The following KIAA0586 variants were observed in gnomAD, a reference collection of about 807,000 sequenced individuals.
KIAA0586 encodes protein TALPID3.
A neutral mutation model predicts 169.8 loss-of-function variants in KIAA0586; 144 were observed. The ratio of observed to expected loss-of-function variants is 0.85; its 90% CI spans 0.74 to 0.97. The LOEUF is 0.97. KIAA0586 is among the 50% of genes least tolerant of loss of function. The probability of loss-of-function intolerance (pLI) is 0.00; values close to 1 mark genes in which losing one functional copy is unlikely to be tolerated. For synonymous variants in KIAA0586, 625 were observed against 612.4 expected (o/e 1.02, Z -0.30); for missense variants, 1,854 against 1,823.0 (o/e 1.02, Z -0.31).
intron 16 of KIAA0586, among the ~76,000 whole-genome samples, chr14:58,470,357 A>G (rs112594249): frequency 1.3e-5 from 2 of 152,238 alleles, no homozygotes; most frequent in African/African-American, 4.8e-5. Flanking sequence ...TAAAAGACAA[A>G]GGGAATAGTG....
chr14:58,484,903 TATATATATATATATATATATA>T (rs2042305238), intron 21 of KIAA0586, among the ~76,000 whole-genome samples: 1 of 13,500 alleles, frequency 7.4e-5, no homozygotes, highest in African/African-American at 2.3e-4. Flanking sequence ...TATATATATA[TATATATATATATATATATATA>T]TTTTTTTTTT....
chr14:58,492,210 A>G lies in KIAA0586; in HGVS notation c.3925A>G (p.Ile1309Val), dbSNP rs376234883. 3 of 1,550,778 alleles carry G rather than the reference A, an allele frequency of 1.9e-6. No individual in the cohort carries two copies. The highest frequency in any genetic ancestry group is 2.6e-6 in the Non-Finnish European group (3 of 1,146,456). ...CCATAAAAAATTTCATGCAGATGCA[A>G]TTCTTTCTTTTGCTAAACAAAACCA... ...MSHKKFHADA[I>V]LSFAKQNQES... Residue 1309 changes from isoleucine (I) to valine (V), a missense_variant, in exon 26 of 31, where the codon ATT becomes GTT. Ile to Val is a conservative substitution (Grantham distance 29, BLOSUM62 3). Coordinates refer to ENST00000652326, the MANE Select transcript of KIAA0586 (RefSeq NM_001329943.3).
In KIAA0586 at chr14:58,450,726, T is replaced by C. The variant is rs369845308; in HGVS notation, c.1109T>C (p.Met370Thr). The C allele has an allele frequency of 6.9e-6, 11 of 1,604,586 alleles. No individual in the cohort carries two copies. Among genetic ancestry groups the C allele is most frequent in the African/African-American group, 1.3e-5 (1 of 74,830 alleles). Residue 370 changes from methionine to threonine, a missense_variant, in exon 8 of 31, where the codon ATG becomes ACG. By Grantham distance (81) the Met-to-Thr change is moderately conservative. Coordinates refer to ENST00000652326, the MANE Select transcript of KIAA0586 (RefSeq NM_001329943.3). ...RENLLEEKEN[M>T]EVSCHRGNVR... ...AATCTTTTGGAAGAAAAAGAAAATA[T>C]GGAAGTGTCGTGTCACAGAGGTAAT...
At chr14:58,528,538 G>A (rs1358188482) in intron 29 of KIAA0586, among the ~76,000 whole-genome samples, 1 of 152,148 alleles carries the variant, frequency 6.6e-6, no homozygotes, top group African/African-American at 2.4e-5. Context: ...CTAGAACTCA[G>A]GATTAACAAA....
rs1325833404 is a variant in KIAA0586, at chr14:58,498,818, A to G, written c.4026A>G (p.Gly1342=). 1.9e-6 allele frequency: 3 copies of G among 1,610,880 alleles called. No individual in the cohort carries two copies. ...LENSVGELSE[G]QRPQLTAAAE... Reference sequence around the variant, plus strand: ...ACAGTGTGGGTGAACTTAGTGAAGGACAAAGACCCCAGCTAACAGCGGCAG... The same window carrying G: ...ACAGTGTGGGTGAACTTAGTGAAGGGCAAAGACCCCAGCTAACAGCGGCAG... Residue 1342 remains glycine, a synonymous_variant, in exon 27 of 31, where the codon GGA becomes GGG. Coordinates refer to ENST00000652326, the MANE Select transcript of KIAA0586 (RefSeq NM_001329943.3).
Position 58,490,204 on chromosome 14 carries a change from T to G in KIAA0586, c.3822T>G (p.Asp1274Glu). 6.5e-7 allele frequency: 1 copy of G among 1,544,654 alleles called. No individual in the cohort carries two copies. The highest frequency in any genetic ancestry group is 8.8e-7 in the Non-Finnish European group (1 of 1,138,900). The change falls in exon 25 of 31, where the codon GAT (aspartate) becomes GAG (glutamate). Residue 1274 changes from aspartate (D) to glutamate (E), a missense_variant. Transcript: ENST00000652326. ...DIGLYLTNLN[D>E]SLSSTLHDAV... ...GACTGTACCTGACAAACCTTAATGA[T>G]AGCTTATCCAGCACTCTGCATGATG...
intron 29 of KIAA0586, among the ~76,000 whole-genome samples, chr14:58,520,650 G>A (rs2045143111): frequency 6.6e-6 from 1 of 151,940 alleles, no homozygotes; most frequent in South Asian, 2.1e-4. Flanking sequence ...AGCCTCCTGA[G>A]TAGCTGGGAT....
chr14:58,487,767 T>C, intron 22 of KIAA0586, 120 bp from the exon 23 acceptor site: 1 of 624,496 alleles, frequency 1.6e-6, no homozygotes, highest in Non-Finnish European at 2.8e-6. Context: ...TTATTAATTA[T>C]AATTGCCATT....
At position 58,524,758 on chromosome 14, in the gene KIAA0586, T is replaced by C. The variant is rs77326058; in HGVS notation, c.4429+12131T>C. ...TACACTTTTACTAGAACCTGACATA[T>C]ATTAAGAGCTATTAAAGTGTTAGCT... On this transcript the variant is annotated intron_variant, in intron 29 of 30. Coordinates refer to ENST00000652326, the MANE Select transcript of KIAA0586 (RefSeq NM_001329943.3). Among the ~76,000 whole-genome samples the C allele has an allele frequency of 6.5e-3, 985 of 152,324 alleles. 8 individuals are homozygous for C. Among genetic ancestry groups the C allele is most frequent in the African/African-American group, 0.023 (949 of 41,582 alleles).
chr14:58,462,677 A>G (rs889036204), intron 14 of KIAA0586, among the ~76,000 whole-genome samples: 1 of 152,236 alleles, frequency 6.6e-6, no homozygotes, highest in Non-Finnish European at 1.5e-5. Context: ...AATGATCAGA[A>G]GTGATTAAGA....
intron 4 of KIAA0586, chr14:58,441,070 A>G (rs1465545087): frequency 9.5e-6 from 2 of 211,560 alleles, no homozygotes; most frequent in African/African-American, 2.3e-5. Flanking sequence ...TTTACAATGT[A>G]TACATATATC....
At position 58,457,770 on chromosome 14, in the gene KIAA0586, T is replaced by C. The variant is rs777664088; in HGVS notation, c.1374T>C (p.Ser458=). The change falls in exon 11 of 31, where the codon TCT becomes TCC. Residue 458 remains serine (S), a synonymous_variant. Coordinates refer to ENST00000652326, the MANE Select transcript of KIAA0586 (RefSeq NM_001329943.3). ...ETNSMVQPKE[S]LSMLKLPDLP... ...TTTTTTCTTTTAAGCCAAAAGAATC[T>C]CTGAGTATGTTGAAGCTTCCAGATC... 1 of 1,588,784 alleles carries C rather than the reference T, an allele frequency of 6.3e-7. No individual in the cohort carries two copies. Among genetic ancestry groups the C allele is most frequent in the Admixed American group, 1.8e-5 (1 of 55,724 alleles).
intron 5 of KIAA0586, among the ~76,000 whole-genome samples, chr14:58,443,253 A>G (rs1403328889): frequency 3.3e-5 from 5 of 152,242 alleles, no homozygotes; most frequent in Admixed American, 2.6e-4. Context: ...GAAACAGGTC[A>G]GAGTAGGCCT....
chr14:58,521,748 G>T, intron 29 of KIAA0586: 1 of 815,038 alleles, frequency 1.2e-6, no homozygotes, highest in African/African-American at 1.7e-5. Flanking sequence ...GGGGAAACAA[G>T]CAGTAGAGAT....
chr14:58,554,369 C>T (rs1386590834), downstream of KIAA0586, among the ~76,000 whole-genome samples: 1 of 152,170 alleles, frequency 6.6e-6, no homozygotes, highest in Non-Finnish European at 1.5e-5. Flanking sequence ...TCTAGTGGAA[C>T]TGGTCACTGA....
intron 30 of KIAA0586, among the ~76,000 whole-genome samples, chr14:58,543,658 G>A (rs2046804806): frequency 6.6e-6 from 1 of 152,174 alleles, no homozygotes; most frequent in Admixed American, 6.5e-5. Context: ...GTTTGTTGGT[G>A]TTCTTATTAC....
chr14:58,468,327 A>G (rs1015751596), intron 16 of KIAA0586, among the ~76,000 whole-genome samples: 5 of 152,200 alleles, frequency 3.3e-5, no homozygotes, highest in African/African-American at 1.2e-4. Flanking sequence ...CTGGGATTAC[A>G]GGCATGAGCC....
chr14:58,515,543 T>G (rs2044690913), intron 29 of KIAA0586, among the ~76,000 whole-genome samples: 1 of 152,168 alleles, frequency 6.6e-6, no homozygotes, highest in South Asian at 2.1e-4. Flanking sequence ...ATTTGAAATT[T>G]AGCTAAATTA....
chr14:58,532,113 C>T (rs2046010061), intron 29 of KIAA0586, among the ~76,000 whole-genome samples: 3 of 151,724 alleles, frequency 2.0e-5, no homozygotes, highest in Admixed American at 1.3e-4. Flanking sequence ...CAGCAAACCA[C>T]CATGGCATGT....
Sources: allele counts gnomAD v4.1 joint callset (sites outside exome capture counted in the v4.1 genomes callset), GRCh38; gene constraint gnomAD v4.1.1; transcripts MANE v1.5; gene names NCBI Gene and HGNC (gene_info 2026-07-23, HGNC 2026-07-21).